Variants in PCDHA8 observed in about 807,000 individuals in gnomAD.
PCDHA8 encodes the protein protocadherin alpha 8.
PCDHA8 carries 53 observed loss-of-function variants against 61.8 expected under a neutral mutation model. The ratio of observed to expected loss-of-function variants is 0.86; its 90% CI spans 0.69 to 1.08. PCDHA8 has a LOEUF of 1.08. Among genes scored for constraint, PCDHA8 ranks in the 50% least tolerant of loss-of-function variants. The probability of loss-of-function intolerance (pLI) is 0.00; values close to 1 mark genes in which losing one functional copy is unlikely to be tolerated. For synonymous variants in PCDHA8, 618 were observed against 556.6 expected (o/e 1.11, Z -1.55); for missense variants, 1,293 against 1,245.0 (o/e 1.04, Z -0.58).
intron 1 of PCDHA8, chr5:140,850,637 G>A: frequency 6.3e-7 from 1 of 1,598,640 alleles, no homozygotes; most frequent in Non-Finnish European, 8.6e-7. Flanking sequence ...TGGTTCTCAC[G>A]CTGCTGCTGT....
chr5:140,869,553 G>A (rs1554163226), intron 1 of PCDHA8: 1 of 1,614,056 alleles, frequency 6.2e-7, no homozygotes, highest in African/African-American at 1.3e-5. Flanking sequence ...AATCGGACTC[G>A]CGTTTTCCAC....
intron 1 of PCDHA8, among the ~76,000 whole-genome samples, chr5:140,972,168 G>T (rs969968770): frequency 2.6e-5 from 4 of 152,064 alleles, no homozygotes; most frequent in African/African-American, 9.7e-5. Context: ...TTGAGACAGA[G>T]TCTTGGCCTG....
chr5:140,903,962 G>C (rs548680386), intron 1 of PCDHA8, among the ~76,000 whole-genome samples: 21 of 152,226 alleles, frequency 1.4e-4, no homozygotes. Flanking sequence ...ATTATTTGTT[G>C]ATTTTTGGTC....
intron 1 of PCDHA8, chr5:140,966,557 G>T: frequency 2.1e-6 from 1 of 477,538 alleles, no homozygotes; most frequent in Non-Finnish European, 3.5e-6. Context: ...GAGCGGAGGA[G>T]CTGGAATATG....
chr5:140,846,000 G>GA (rs1346490644), intron 1 of PCDHA8, among the ~76,000 whole-genome samples: 2 of 149,558 alleles, frequency 1.3e-5, no homozygotes, highest in Admixed American at 6.7e-5. Context: ...GTGGTGGAAT[G>GA]AAAAAAATCT....
At chr5:140,856,951 A>G in intron 1 of PCDHA8, 2 of 1,593,156 alleles carry the variant, frequency 1.3e-6, no homozygotes, top group Non-Finnish European at 1.7e-6. Context: ...CGGGAGAAAT[A>G]AAAGTAAATG....
chr5:140,871,492 C>G (rs782396000), intron 1 of PCDHA8: 1 of 1,589,508 alleles, frequency 6.3e-7, no homozygotes, highest in Admixed American at 1.8e-5. Context: ...TCACCCCGGA[C>G]AGGTGAGTTT....
At chr5:140,908,078 A>G (rs1047293736) in intron 1 of PCDHA8, among the ~76,000 whole-genome samples, 2 of 152,202 alleles carry the variant, frequency 1.3e-5, no homozygotes, top group Admixed American at 6.5e-5. Context: ...AAAGTGCACA[A>G]CCAGGTGCAC....
intron 1 of PCDHA8, chr5:140,851,866 C>T (rs1486270411): frequency 2.0e-6 from 2 of 976,572 alleles, no homozygotes; most frequent in South Asian, 9.5e-5. Flanking sequence ...TCATACATAA[C>T]ACAAGGCAGA....
intron 1 of PCDHA8, chr5:140,877,279 T>G (rs782432213): frequency 1.2e-6 from 2 of 1,613,820 alleles, no homozygotes; most frequent in Non-Finnish European, 1.7e-6. Flanking sequence ...TGACTCCGGC[T>G]ATAACGCTTG....
rs147892853 is a variant in PCDHA8 at position 140,979,173 on chromosome 5, C to A, written c.2453+166C>A. ...CCCATGTTTATTCCTTGAAAGATCG[C>A]AAATGGTCAGTGCCAGATGCTTATC... On this transcript the variant is annotated intron_variant, in intron 2 of 3. Transcript: ENST00000531613. The A allele has an allele frequency of 5.2e-6, 5 of 958,838 alleles. No individual in the cohort carries two copies. The Admixed American group carries it at 3.1e-4, about 59-fold the overall frequency. 59.4% of individuals were successfully genotyped at this position (958,838 alleles called of 1,614,324 possible).
At chr5:140,848,972 T>G in intron 1 of PCDHA8, 3 of 1,601,076 alleles carry the variant, frequency 1.9e-6, no homozygotes, top group Non-Finnish European at 2.6e-6. Context: ...GCGCGTCCGA[T>G]GCAGATATCG....
chr5:140,913,448 G>A (rs185287281), intron 1 of PCDHA8, among the ~76,000 whole-genome samples: 8 of 152,012 alleles, frequency 5.3e-5, no homozygotes, highest in African/African-American at 1.2e-4. Flanking sequence ...TTTCAGCTCC[G>A]ATTTTATTTA....
At chr5:140,959,373 CA>C (rs1243465116) in intron 1 of PCDHA8, among the ~76,000 whole-genome samples, 26 of 145,126 alleles carry the variant, frequency 1.8e-4, no homozygotes, top group South Asian at 2.2e-4. Flanking sequence ...GACCCTGTCT[CA>C]AAAAAAAAAG....
intron 3 of PCDHA8, among the ~76,000 whole-genome samples, chr5:140,994,595 C>CT (rs1554254262): frequency 6.6e-6 from 1 of 151,984 alleles, no homozygotes; most frequent in East Asian, 1.9e-4. Context: ...GTCTCAGCTA[C>CT]TTGGGAGGCT....
At chr5:140,883,365 G>A in intron 1 of PCDHA8, 1 of 1,614,148 alleles carries the variant, frequency 6.2e-7, no homozygotes, top group Non-Finnish European at 8.5e-7. Context: ...ACTCAGCCTA[G>A]CGCCATTATT....
chr5:140,978,571 A>G (rs891123704), intron 1 of PCDHA8, among the ~76,000 whole-genome samples: 5 of 152,208 alleles, frequency 3.3e-5, no homozygotes, highest in African/African-American at 1.2e-4. Flanking sequence ...TGTAATACTG[A>G]ATTGGGAATG....
Position 140,842,617 on chromosome 5 carries a change from G to A in PCDHA8, c.1296G>A (p.Ser432=), listed in dbSNP as rs2150340722. 15 of 1,572,174 alleles carry A rather than the reference G, an allele frequency of 9.5e-6. No individual in the cohort carries two copies. Among genetic ancestry groups the A allele is most frequent in the South Asian group, 7.8e-5 (7 of 90,016 alleles). Reference sequence around the variant, plus strand: ...TGGTAACCGCGCGGGACGGGGGCTCGCCTTCGCTGTGGGCCACCGCCAGCT... The same window carrying A: ...TGGTAACCGCGCGGGACGGGGGCTCACCTTCGCTGTGGGCCACCGCCAGCT... ...ELVVTARDGG[S]PSLWATASLS... is the part of the protein sequence containing the mutation. The change falls in exon 1 of 4, where the codon TCG becomes TCA. Residue 432 remains serine, a synonymous_variant. Transcript: ENST00000531613.
chr5:140,879,589 A>G (rs2058049274), intron 1 of PCDHA8, among the ~76,000 whole-genome samples: 1 of 152,214 alleles, frequency 6.6e-6, no homozygotes, highest in South Asian at 2.1e-4. Context: ...CAGACATTGA[A>G]AAGTGAAAAA....
Sources: allele counts gnomAD v4.1 joint callset (sites outside exome capture counted in the v4.1 genomes callset), GRCh38; gene constraint gnomAD v4.1.1; transcripts MANE v1.5; gene names NCBI Gene and HGNC (gene_info 2026-07-23, HGNC 2026-07-21).